Variants in PCDH15 observed in about 807,000 individuals in gnomAD.
The protein encoded by PCDH15 is protocadherin related 15, also known as protocadherin-15.
In PCDH15, 129 loss-of-function variants were observed where a neutral mutation model predicts 178.5. The observed-to-expected ratio is 0.72, with a 90% CI of 0.63 to 0.84. PCDH15 has a LOEUF of 0.84. Ranked by LOEUF, PCDH15 falls within the 40% of genes least tolerant of loss-of-function variation. The pLI is 0.00. For synonymous variants in PCDH15, 800 were observed against 732.0 expected, an observed-to-expected ratio of 1.09 and a Z score of -1.50; for missense variants, 2,230 against 2,099.9, an observed-to-expected ratio of 1.06 and a Z score of -1.21.
chr10:54,626,772 G>A (rs868330875), intron 2 of PCDH15, among the ~76,000 whole-genome samples: 1 of 152,234 alleles, frequency 6.6e-6, no homozygotes, highest in Middle Eastern at 3.4e-3. Flanking sequence ...AAGGGCCACT[G>A]TCCTCCAGAC....
rs187020051 is a variant in PCDH15, at chr10:53,991,362, C to T, written c.2868+4287G>A. On this transcript the variant is annotated intron_variant, in intron 21 of 37. Coordinates refer to ENST00000644397, the MANE Select transcript of PCDH15 (RefSeq NM_001384140.1). ...AGCACTCTGTGTCTAGCTTGGGGTT[C>T]GTGGATGCACCAATCAGCACTCTGT... is the stretch of plus-strand genomic sequence containing the variant. 4.1e-3 allele frequency among the ~76,000 whole-genome samples: 615 copies of T among 150,366 alleles called. 7 individuals are homozygous for T. Among genetic ancestry groups the T allele is most frequent in the African/African-American group, 0.014 (579 of 40,854 alleles).
intron 2 of PCDH15, among the ~76,000 whole-genome samples, chr10:55,541,995 C>A (rs1242395692): frequency 6.6e-6 from 1 of 151,524 alleles, no homozygotes; most frequent in South Asian, 2.1e-4. Flanking sequence ...AATATATAAA[C>A]CTGAGAGGGA....
At chr10:54,140,918 G>A (rs955564964) in intron 14 of PCDH15, among the ~76,000 whole-genome samples, 8 of 151,990 alleles carry the variant, frequency 5.3e-5, no homozygotes, top group African/African-American at 1.2e-4. Flanking sequence ...TCCTGAACTC[G>A]TGATCCCCTC....
intron 3 of PCDH15, among the ~76,000 whole-genome samples, chr10:54,856,146 T>A (rs1429743509): frequency 6.6e-6 from 1 of 152,222 alleles, no homozygotes; most frequent in Non-Finnish European, 1.5e-5. Context: ...TTATCAACTA[T>A]CTGCTTATTT....
At chr10:55,446,068 C>G (rs1291596845) in intron 2 of PCDH15, among the ~76,000 whole-genome samples, 1 of 152,020 alleles carries the variant, frequency 6.6e-6, no homozygotes, top group Non-Finnish European at 1.5e-5. Context: ...ATGCCTGAGG[C>G]CATCCAGTTT....
chr10:54,366,470 AG>A (rs1946807241), intron 5 of PCDH15, among the ~76,000 whole-genome samples: 1 of 152,068 alleles, frequency 6.6e-6, no homozygotes, highest in African/African-American at 2.4e-5. Context: ...TGGGCAAGAT[AG>A]GGATATCTAT....
At chr10:54,566,676 T>C (rs2089086475) in intron 2 of PCDH15, among the ~76,000 whole-genome samples, 2 of 152,184 alleles carry the variant, frequency 1.3e-5, no homozygotes, top group Admixed American at 1.3e-4. Context: ...GATAGTACAC[T>C]TACTTTTAGC....
At chr10:54,000,863 C>G (rs371140100) in intron 20 of PCDH15, among the ~76,000 whole-genome samples, 42 of 152,178 alleles carry the variant, frequency 2.8e-4, no homozygotes, top group African/African-American at 9.9e-4. Context: ...GCAGATTTAA[C>G]CCAAAGAACA....
rs16907107 is a variant in PCDH15 at position 55,198,052 on chromosome 10, A to G, written c.-155-31401T>C. Among the ~76,000 whole-genome samples, 1,026 of 152,258 alleles carry G rather than the reference A, an allele frequency of 6.7e-3. 10 individuals are homozygous for G. Among genetic ancestry groups the G allele is most frequent in the African/African-American group, 0.023 (948 of 41,498 alleles). On this transcript the variant is annotated intron_variant, in intron 1 of 5. Transcript: ENST00000458638. ...CAGGAGGTAGAAAAAGGATGGATAG[A>G]TATAGATAGATAGTGAATGGTAAGA...
intron 2 of PCDH15, among the ~76,000 whole-genome samples, chr10:54,627,454 A>C (rs1283861777): frequency 1.3e-5 from 2 of 152,116 alleles, no homozygotes; most frequent in Admixed American, 1.3e-4. Flanking sequence ...TGGTTTTAAA[A>C]ATGGAAGTTT....
chr10:54,119,546 A>C (rs2095177911), intron 15 of PCDH15, among the ~76,000 whole-genome samples: 1 of 152,144 alleles, frequency 6.6e-6, no homozygotes, highest in Non-Finnish European at 1.5e-5. Context: ...AGAGAAAGAG[A>C]AAAAGAAAAC....
chr10:54,808,943 GA>G (rs61057226), intron 3 of PCDH15, among the ~76,000 whole-genome samples: 13,409 of 135,432 alleles, frequency 0.099, 674 homozygotes, highest in South Asian at 0.15. Context: ...GCTGGGAAAA[GA>G]AAAAAAAAAA....
In PCDH15 at chr10:54,123,164, A is replaced by G. The variant is rs186020147; in HGVS notation, c.1917+9711T>C. Among the ~76,000 whole-genome samples, 12 of 152,322 alleles carry G rather than the reference A, an allele frequency of 7.9e-5. No individual in the cohort carries two copies. The East Asian group carries it at 2.3e-3, about 29-fold the overall frequency. On this transcript the variant is annotated intron_variant, in intron 15 of 37. Transcript: ENST00000644397. ...GCAATTGCAACAAAAATGATCATTG[A>G]TAAGTTGGACCTAATTAAACTAAAG...
Position 55,009,274 on chromosome 10 carries a change from T to TGTG in PCDH15, c.-79-111775_-79-111774insCAC, listed in dbSNP as rs1591833350. ...GATGTGTGTGTGTGTGTGTGTGTGT[T>TGTG]TGTGCCTTTGTGTGTGCTAAGTGGC... On this transcript the variant is annotated intron_variant, in intron 2 of 5. Transcript: ENST00000458638. Among the ~76,000 whole-genome samples, 14 of 131,030 alleles carry TGTG rather than the reference T, an allele frequency of 1.1e-4. No individual in the cohort carries two copies. In the East Asian group the frequency reaches 3.7e-3, roughly 34 times the overall value. The allele number at this position is 131,030 out of a possible 152,430, so 86.0% of individuals were successfully genotyped here.
chr10:54,317,309 G>T lies in PCDH15; in HGVS notation c.838C>A (p.Leu280Ile). 1.9e-6 allele frequency: 3 copies of T among 1,613,918 alleles called. No homozygotes were observed. Among genetic ancestry groups the T allele is most frequent in the Non-Finnish European group, 2.5e-6 (3 of 1,179,900 alleles). The stretch of plus-strand genomic sequence containing the variant: ...TCAGGTATGGCAGCTTGATAAGTGA[G>T]TGGACGGCAATCACGAGTGTTTGGC... ...LVPNTRDCRP[L>I]TYQAAIPELR... Residue 280 changes from leucine to isoleucine, a missense_variant, in exon 8 of 38, where the codon CTC becomes ATC. Coordinates refer to ENST00000644397, the MANE Select transcript of PCDH15 (RefSeq NM_001384140.1).
At chr10:55,441,865 C>T (rs1442117323) in intron 2 of PCDH15, among the ~76,000 whole-genome samples, 1 of 152,090 alleles carries the variant, frequency 6.6e-6, no homozygotes, top group Non-Finnish European at 1.5e-5. Flanking sequence ...CATGGCATCA[C>T]AAGTGTTCTT....
At chr10:54,479,456 G>T (rs1033170328) in intron 3 of PCDH15, among the ~76,000 whole-genome samples, 1 of 151,814 alleles carries the variant, frequency 6.6e-6, no homozygotes, top group African/African-American at 2.4e-5. Flanking sequence ...TAATTTATGT[G>T]TGATACATCA....
chr10:55,256,910 A>G (rs928135599), intron 1 of PCDH15, among the ~76,000 whole-genome samples: 1 of 152,180 alleles, frequency 6.6e-6, no homozygotes, highest in African/African-American at 2.4e-5. Context: ...AGATCTGAGA[A>G]TGGACAGACT....
intron 3 of PCDH15, among the ~76,000 whole-genome samples, chr10:54,827,853 A>C (rs2133747817): frequency 6.6e-6 from 1 of 152,230 alleles, no homozygotes; most frequent in Non-Finnish European, 1.5e-5. Flanking sequence ...TGGGGATTTA[A>C]AAAACTTTTT....
Sources: gnomAD v4.1 joint callset for allele counts (sites outside exome capture counted in the v4.1 genomes callset) on GRCh38, gnomAD v4.1.1 for gene constraint, MANE v1.5 for transcripts, NCBI Gene and HGNC (gene_info 2026-07-23, HGNC 2026-07-21) for gene names.